The following DNAJC8 variants were observed in gnomAD, a reference collection of about 807,000 sequenced individuals.
The protein encoded by DNAJC8 is DnaJ heat shock protein family (Hsp40) member C8.
DNAJC8 carries 24 observed loss-of-function variants against 43.2 expected under a neutral mutation model. The ratio of observed to expected loss-of-function variants is 0.56; its 90% CI spans 0.40 to 0.78. The LOEUF (loss-of-function observed/expected upper bound fraction) is 0.78. Among genes scored for constraint, DNAJC8 ranks in the 30% least tolerant of loss-of-function variants. DNAJC8 has a pLI of 0.00. For missense variants in DNAJC8, 207 were observed against 299.4 expected (o/e 0.69, Z 2.28); for synonymous variants, 83 against 98.0 (o/e 0.85, Z 0.90).
intron 7 of DNAJC8, among the ~76,000 whole-genome samples, chr1:28,204,608 A>G (rs1234592551): frequency 6.6e-6 from 1 of 152,216 alleles, no homozygotes; most frequent in Admixed American, 6.5e-5. Context: ...ACAGTACTAT[A>G]CACTCACCAA....
chr1:28,218,622 C>T (rs1234314086), intron 2 of DNAJC8, among the ~76,000 whole-genome samples: 1 of 151,794 alleles, frequency 6.6e-6, no homozygotes, highest in East Asian at 1.9e-4. Context: ...TGGGGTCTCC[C>T]TGGCCAGGCA....
intron 1 of DNAJC8, among the ~76,000 whole-genome samples, chr1:28,231,967 C>T (rs1557716071): frequency 6.6e-6 from 1 of 151,998 alleles, no homozygotes; most frequent in Non-Finnish European, 1.5e-5. Context: ...CGGGGTTTCA[C>T]CGTGGTCTCG....
At position 28,203,734 on chromosome 1, in the gene DNAJC8, C is replaced by T. The variant is rs776845745; in HGVS notation, c.639+13G>A. 1.9e-4 allele frequency: 301 copies of T among 1,614,040 alleles called. No homozygotes were observed. Among genetic ancestry groups the T allele is most frequent in the Middle Eastern group, 5.0e-4 (3 of 6,052 alleles). On this transcript the variant is annotated intron_variant, in intron 8 of 8. Transcript: ENST00000263697. ...TTCTGGAATTAGAATCCCTGGCCAC[C>T]TTGGAAATTTACCTCAAAGTTTTTC...
intron 1 of DNAJC8, among the ~76,000 whole-genome samples, chr1:28,229,299 C>G (rs1646958041): frequency 6.6e-6 from 1 of 152,172 alleles, no homozygotes; most frequent in East Asian, 1.9e-4. Flanking sequence ...GAGAAGGTAA[C>G]TGACTTGTTC....
rs568855403 is a variant in DNAJC8 at position 28,200,980 on chromosome 1, T to C, written c.*268A>G. ...GTACAAAACACTGAGTTACAGGCTGTGGGAAGAGAAGGCAGCACCAATGGT... is the reference window on the plus strand; with the variant it reads ...GTACAAAACACTGAGTTACAGGCTGCGGGAAGAGAAGGCAGCACCAATGGT... On this transcript the variant is annotated 3_prime_UTR_variant, in exon 9 of 9. Transcript: ENST00000263697. 4.3e-5 allele frequency: 20 copies of C among 467,200 alleles called. No individual in the cohort carries two copies. Among genetic ancestry groups the C allele is most frequent in the African/African-American group, 3.9e-4 (20 of 50,736 alleles). 28.9% of individuals were successfully genotyped at this position (467,200 alleles called of 1,614,324 possible). A position where few individuals can be genotyped will look rare whatever the true frequency, so the allele number is the denominator to read the frequency against.
chr1:28,203,450 T>G (rs1193356551), intron 8 of DNAJC8, among the ~76,000 whole-genome samples: 1 of 152,210 alleles, frequency 6.6e-6, no homozygotes, highest in African/African-American at 2.4e-5. Flanking sequence ...TGGGCAGCTG[T>G]GCCTACTACA....
In DNAJC8 at chr1:28,219,763, C is replaced by T. The variant is rs969850863; in HGVS notation, c.181-4767G>A. ...AGCAATCTCAGCTCACTTCAACCTC[C>T]GCCTCCTGGTTCAAGCAATTCTCCT... is the stretch of plus-strand genomic sequence containing the variant. On this transcript the variant is annotated intron_variant, in intron 2 of 8. Transcript: ENST00000263697. Among the ~76,000 whole-genome samples, 7 of 11,002 alleles carry T rather than the reference C, an allele frequency of 6.4e-4. No homozygotes were observed. In the African/African-American group the frequency reaches 6.7e-3, roughly 11 times the overall value. 7.2% of individuals were successfully genotyped at this position (11,002 alleles called of 152,430 possible).
rs1293721606 is a variant in DNAJC8 at position 28,232,950 on chromosome 1, C to G, written c.49G>C (p.Glu17Gln). Residue 17 changes from glutamate to glutamine, a missense_variant, in exon 1 of 9, where the codon GAG (glutamate) becomes CAG (glutamine). Physicochemically the swap from Glu to Gln is conservative, Grantham distance 29. Coordinates refer to ENST00000263697, the MANE Select transcript of DNAJC8 (RefSeq NM_014280.3). ...CTGTAGAAGGTCATAAATGCTTCCT[C>G]GGTGCTGCCTCCGCCGCCTGAAGTC... Reference protein sequence around the residue: ...SGTSGGGGSTEEAFMTFYSEV... With the variant: ...SGTSGGGGSTQEAFMTFYSEV... 2 of 1,613,240 alleles carry G rather than the reference C, an allele frequency of 1.2e-6. No homozygotes were observed. Among genetic ancestry groups the G allele is most frequent in the Non-Finnish European group, 8.5e-7 (1 of 1,180,030 alleles).
intron 3 of DNAJC8, among the ~76,000 whole-genome samples, chr1:28,214,027 A>C (rs1057327717): frequency 8.6e-5 from 13 of 152,032 alleles, no homozygotes; most frequent in Admixed American, 2.6e-4. Flanking sequence ...AAAAATAATA[A>C]TAATTTTTAA....
rs1646729673 is a variant in DNAJC8, at chr1:28,200,973, C to T, written c.*275G>A. On this transcript the variant is annotated 3_prime_UTR_variant, in exon 9 of 9. Coordinates refer to ENST00000263697, the MANE Select transcript of DNAJC8 (RefSeq NM_014280.3). ...CAGTGAAGTACAAAACACTGAGTTACAGGCTGTGGGAAGAGAAGGCAGCAC... is the reference window on the plus strand; with the variant it reads ...CAGTGAAGTACAAAACACTGAGTTATAGGCTGTGGGAAGAGAAGGCAGCAC... 7 of 457,022 alleles carry T rather than the reference C, an allele frequency of 1.5e-5. No homozygotes were observed. The highest frequency in any genetic ancestry group is 1.5e-4 in the South Asian group (7 of 46,908). The allele number at this position is 457,022 out of a possible 1,614,324, so 28.3% of individuals were successfully genotyped here.
chr1:28,219,407 G>A (rs182305111), intron 2 of DNAJC8, among the ~76,000 whole-genome samples: 2 of 152,314 alleles, frequency 1.3e-5, no homozygotes, highest in East Asian at 3.9e-4. Flanking sequence ...TACTCAGGAA[G>A]CTGAGGCAAG....
At chr1:28,213,445 A>C (rs1268790110) in intron 3 of DNAJC8, among the ~76,000 whole-genome samples, 1 of 152,132 alleles carries the variant, frequency 6.6e-6, no homozygotes, top group Non-Finnish European at 1.5e-5. Context: ...GATTACGTAG[A>C]CCAAGTTAAA....
At chr1:28,227,350 G>A (rs1175013762) in intron 2 of DNAJC8, among the ~76,000 whole-genome samples, 3 of 146,860 alleles carry the variant, frequency 2.0e-5, no homozygotes, top group Non-Finnish European at 4.5e-5. Context: ...CGGAGGTGCA[G>A]TGAGCCAAGA....
intron 2 of DNAJC8, among the ~76,000 whole-genome samples, chr1:28,219,344 TA>T (rs1215161578): frequency 1.3e-5 from 2 of 151,884 alleles, no homozygotes; most frequent in Non-Finnish European, 2.9e-5. Flanking sequence ...TCATCTCTAC[TA>T]AAAATACAAA....
At chr1:28,224,917 G>A (rs559941575) in intron 2 of DNAJC8, among the ~76,000 whole-genome samples, 4 of 146,926 alleles carry the variant, frequency 2.7e-5, no homozygotes, top group African/African-American at 5.0e-5. Flanking sequence ...GCCAAACACA[G>A]TGGCTCACAC....
intron 1 of DNAJC8, among the ~76,000 whole-genome samples, chr1:28,229,602 CG>C: frequency 6.6e-6 from 1 of 151,970 alleles, no homozygotes; most frequent in Non-Finnish European, 1.5e-5. Context: ...GGTGAAACCC[CG>C]TCTCTACTAA....
At chr1:28,202,668 C>T (rs1572058496) in intron 8 of DNAJC8, among the ~76,000 whole-genome samples, 1 of 150,482 alleles carries the variant, frequency 6.6e-6, no homozygotes, top group Admixed American at 6.7e-5. Context: ...GCAAGCTCCA[C>T]CTCCTGGGTT....
chr1:28,206,621 C>G (rs553024088), intron 6 of DNAJC8, among the ~76,000 whole-genome samples: 1 of 152,200 alleles, frequency 6.6e-6, no homozygotes. Flanking sequence ...CCCTCCCTAC[C>G]AGTTTTTAAT....
chr1:28,226,467 CACTCCAGCCTGGGCGACAGAG>C (rs1306383407), intron 2 of DNAJC8, among the ~76,000 whole-genome samples: 1 of 151,032 alleles, frequency 6.6e-6, no homozygotes, highest in Non-Finnish European at 1.5e-5. Flanking sequence ...TGCGCCACTG[CACTCCAGCCTGGGCGACAGAG>C]ACTCCATCTC....
Sources: gnomAD v4.1 joint callset for allele counts (sites outside exome capture counted in the v4.1 genomes callset) on GRCh38, gnomAD v4.1.1 for gene constraint, MANE v1.5 for transcripts, NCBI Gene and HGNC (gene_info 2026-07-23, HGNC 2026-07-21) for gene names.